UNC5C: variants seen among roughly 807,000 people sequenced by gnomAD.
The protein encoded by UNC5C is netrin receptor UNC5C.
Under a neutral mutation model 99.8 loss-of-function variants are expected in UNC5C, and 47 were observed. That is an observed-to-expected ratio of 0.47 (90% CI 0.37 to 0.60). UNC5C has a LOEUF of 0.60. Among genes scored for constraint, UNC5C ranks in the 20% least tolerant of loss-of-function variants. The pLI is 0.00. For synonymous variants in UNC5C, 487 were observed against 452.2 expected, an observed-to-expected ratio of 1.08 and a Z score of -0.98; for missense variants, 1,062 against 1,165.9, an observed-to-expected ratio of 0.91 and a Z score of 1.30.
At chr4:95,212,395 G>T (rs753834354) in intron 10 of UNC5C, among the ~76,000 whole-genome samples, 1 of 152,090 alleles carries the variant, frequency 6.6e-6, no homozygotes, top group South Asian at 2.1e-4. Flanking sequence ...TATTTATACC[G>T]CGGTTTGTCT....
intron 1 of UNC5C, among the ~76,000 whole-genome samples, chr4:95,354,139 C>G (rs1744085040): frequency 6.6e-6 from 1 of 152,042 alleles, no homozygotes. Context: ...GTTTCGGATT[C>G]CACTATTATC....
intron 14 of UNC5C, among the ~76,000 whole-genome samples, chr4:95,180,131 C>CACTT (rs1324958745): frequency 3.3e-5 from 5 of 151,048 alleles, no homozygotes; most frequent in East Asian, 1.9e-4. Context: ...CTGTTTAGAA[C>CACTT]ACTTACTTAC....
chr4:95,185,347 T>TCTAA, intron 12 of UNC5C, 151 bp from the exon 13 acceptor site: 2 of 894,250 alleles, frequency 2.2e-6, no homozygotes, highest in Non-Finnish European at 3.4e-6. Context: ...CTCGAGACCC[T>TCTAA]CTAACTAAAC....
intron 3 of UNC5C, among the ~76,000 whole-genome samples, chr4:95,300,840 G>A (rs934732422): frequency 6.6e-6 from 1 of 152,138 alleles, no homozygotes; most frequent in African/African-American, 2.4e-5. Context: ...TGATTAATGA[G>A]TACAGAAAAA....
chr4:95,489,574 A>C (rs1198213491), intron 1 of UNC5C, among the ~76,000 whole-genome samples: 1 of 151,764 alleles, frequency 6.6e-6, no homozygotes, highest in Non-Finnish European at 1.5e-5. Flanking sequence ...AGTTGAAGCA[A>C]GAAACAGTTA....
At chr4:95,391,801 G>A (rs1745368521) in intron 1 of UNC5C, among the ~76,000 whole-genome samples, 1 of 146,504 alleles carries the variant, frequency 6.8e-6, no homozygotes, top group South Asian at 2.2e-4. Context: ...AGAGGCCAAA[G>A]CACTGTGGCT....
rs537334467 is a variant in UNC5C, at chr4:95,265,021, G to A, written c.594+13238C>T. Among the ~76,000 whole-genome samples the A allele has an allele frequency of 1.1e-4, 16 of 152,126 alleles. No individual in the cohort carries two copies. In the South Asian group the frequency reaches 3.1e-3, roughly 30 times the overall value. ...CCTGCATCAGAATCACCTGGGGAGC[G>A]CTTAAGCCATCCTGATGCCTGGGGC... is the stretch of plus-strand genomic sequence containing the variant. On this transcript the variant is annotated intron_variant, in intron 4 of 15. Coordinates refer to ENST00000453304, the MANE Select transcript of UNC5C (RefSeq NM_003728.4).
At chr4:95,445,265 T>A (rs949655895) in intron 1 of UNC5C, among the ~76,000 whole-genome samples, 2 of 152,160 alleles carry the variant, frequency 1.3e-5, no homozygotes, top group African/African-American at 4.8e-5. Flanking sequence ...CATTCTTAGT[T>A]TTTTTCTCCT....
intron 4 of UNC5C, among the ~76,000 whole-genome samples, chr4:95,267,798 A>C (rs2149389430): frequency 6.6e-6 from 1 of 150,836 alleles, no homozygotes; most frequent in African/African-American, 2.4e-5. Flanking sequence ...TAACAATACA[A>C]AAAAAAAATC....
chr4:95,355,619 A>G (rs946047677), intron 1 of UNC5C, among the ~76,000 whole-genome samples: 1 of 149,892 alleles, frequency 6.7e-6, no homozygotes, highest in African/African-American at 2.5e-5. Flanking sequence ...CCACCCCCCC[A>G]GCATGAAACA....
At chr4:95,268,526 A>T (rs931354829) in intron 4 of UNC5C, among the ~76,000 whole-genome samples, 11 of 152,136 alleles carry the variant, frequency 7.2e-5, no homozygotes, top group Non-Finnish European at 2.9e-5. Flanking sequence ...TGATACACAA[A>T]CTTGTTAACC....
At chr4:95,414,678 C>A (rs1229994090) in intron 1 of UNC5C, among the ~76,000 whole-genome samples, 1 of 152,170 alleles carries the variant, frequency 6.6e-6, no homozygotes, top group Admixed American at 6.5e-5. Flanking sequence ...AAAATATACA[C>A]GTACATTTAA....
chr4:95,475,693 C>A (rs999089873), intron 1 of UNC5C, among the ~76,000 whole-genome samples: 1 of 152,058 alleles, frequency 6.6e-6, no homozygotes, highest in Non-Finnish European at 1.5e-5. Flanking sequence ...AAAATAAGTT[C>A]TCCCATACTA....
intron 12 of UNC5C, among the ~76,000 whole-genome samples, chr4:95,201,883 C>G (rs534316817): frequency 2.0e-5 from 3 of 152,166 alleles, no homozygotes; most frequent in South Asian, 2.1e-4. Flanking sequence ...GGATTACAGG[C>G]GTGAGCCACC....
chr4:95,183,020 G>C lies in UNC5C; in HGVS notation c.2328C>G (p.Asn776Lys). 6.2e-7 allele frequency: 1 copy of C among 1,611,830 alleles called. No individual in the cohort carries two copies. The highest frequency in any genetic ancestry group is 1.3e-5 in the African/African-American group (1 of 75,000). ...TTTCCAGAGTGAAGGTGCAGTGCAG[G>C]TTTCTTTGAGATCCACTCCAAACAT... The part of the protein sequence containing the change: ...FYHVWSGSQR[N>K]LHCTFTLERF... The change falls in exon 14 of 16, where the codon AAC becomes AAG. Residue 776 changes from asparagine (N) to lysine (K), a missense_variant. By Grantham distance (94) the Asn-to-Lys change is moderately conservative. This residue lies in a region of UNC5C where 810 missense variants were observed against 854.5 expected (regional missense o/e 0.95). Transcript: ENST00000453304.
chr4:95,391,342 C>T (rs1745354129), intron 1 of UNC5C, among the ~76,000 whole-genome samples: 1 of 152,198 alleles, frequency 6.6e-6, no homozygotes, highest in South Asian at 2.1e-4. Flanking sequence ...CTCAAGTGAT[C>T]CTTCTGCCTC....
At chr4:95,248,552 C>T (rs560485572) in intron 5 of UNC5C, 16 of 456,036 alleles carry the variant, frequency 3.5e-5, no homozygotes, top group African/African-American at 2.8e-4. Flanking sequence ...AGCTGAAAAT[C>T]TCCTCTCCTG....
At chr4:95,545,735 T>C (rs1253356214) in intron 1 of UNC5C, among the ~76,000 whole-genome samples, 3 of 151,032 alleles carry the variant, frequency 2.0e-5, no homozygotes, top group African/African-American at 7.3e-5. Context: ...GGGTCCTAAT[T>C]CAGAAGCACA....
chr4:95,431,116 C>A (rs1265815627), intron 1 of UNC5C, among the ~76,000 whole-genome samples: 1 of 152,034 alleles, frequency 6.6e-6, no homozygotes, highest in African/African-American at 2.4e-5. Flanking sequence ...ACCCCATGCA[C>A]TTCCAACTGC....
Sources: gnomAD v4.1 joint callset for allele counts (sites outside exome capture counted in the v4.1 genomes callset) on GRCh38, gnomAD v4.1.1 for gene constraint, gnomAD v4.1.1 regional missense constraint, MANE v1.5 for transcripts, NCBI Gene and HGNC (gene_info 2026-07-23, HGNC 2026-07-21) for gene names.